EFR3B: variants seen among roughly 807,000 people sequenced by gnomAD.
EFR3B encodes the protein protein EFR3 homolog B.
Under a neutral mutation model 104.7 loss-of-function variants are expected in EFR3B, and 64 were observed. The ratio of observed to expected loss-of-function variants is 0.61; its 90% CI spans 0.50 to 0.75. The LOEUF is 0.75. EFR3B is among the 30% of genes least tolerant of loss of function. The probability of loss-of-function intolerance (pLI) is 0.00; values close to 1 mark genes in which losing one functional copy is unlikely to be tolerated. For missense variants in EFR3B, 750 were observed against 1,078.5 expected, an observed-to-expected ratio of 0.70 and a Z score of 4.27; for synonymous variants, 385 against 417.9, an observed-to-expected ratio of 0.92 and a Z score of 0.96.
chr2:25,052,392 TACTC>T (rs1026132758), intron 1 of EFR3B, among the ~76,000 whole-genome samples: 4 of 152,144 alleles, frequency 2.6e-5, no homozygotes, highest in African/African-American at 9.7e-5. Context: ...TGTAACTTCT[TACTC>T]ACTCTGTATA....
At chr2:25,089,037 C>T (rs1207118059) in intron 1 of EFR3B, among the ~76,000 whole-genome samples, 1 of 152,128 alleles carries the variant, frequency 6.6e-6, no homozygotes, top group Non-Finnish European at 1.5e-5. Flanking sequence ...GGGGAAGGTG[C>T]CTTCCCTGGA....
intron 1 of EFR3B, among the ~76,000 whole-genome samples, chr2:25,071,310 G>C (rs1327229141): frequency 6.7e-6 from 1 of 149,802 alleles, no homozygotes; most frequent in Non-Finnish European, 1.5e-5. Context: ...GCCCAGGCTG[G>C]AGTGCAGTGG....
At chr2:25,125,873 G>A (rs888654930) in intron 5 of EFR3B, among the ~76,000 whole-genome samples, 39 of 152,182 alleles carry the variant, frequency 2.6e-4, no homozygotes, top group African/African-American at 7.5e-4. Flanking sequence ...GCGTGAACCC[G>A]GGAGGCGGAG....
chr2:25,136,244 G>A lies in EFR3B; in HGVS notation c.1485-279G>A, dbSNP rs1670512084. ...GAGTTGGGAGGATTGCTTGAGCCCT[G>A]GAGGTTAAGGCTGCAGAGAGCTGTG... On this transcript the variant is annotated intron_variant, in intron 13 of 22. Coordinates refer to ENST00000403714, the MANE Select transcript of EFR3B (RefSeq NM_014971.2). This position sits in a 1 kb window ranked among gnomAD's most constrained non-coding sequence, Gnocchi z 4.0. Among the ~76,000 whole-genome samples, 1 of 152,082 alleles carries A rather than the reference G, an allele frequency of 6.6e-6. No homozygotes were observed. The highest frequency in any genetic ancestry group is 1.5e-5 in the Non-Finnish European group (1 of 67,998).
intron 1 of EFR3B, among the ~76,000 whole-genome samples, chr2:25,090,643 G>A (rs1434693559): frequency 1.3e-5 from 2 of 152,206 alleles, no homozygotes; most frequent in Non-Finnish European, 2.9e-5. Flanking sequence ...AACTCTAAAA[G>A]GCCGCAGTTT....
At position 25,065,820 on chromosome 2, in the gene EFR3B, C is replaced by T. The variant is rs764116817; in HGVS notation, c.7+23501C>T. 1.1e-4 allele frequency among the ~76,000 whole-genome samples: 16 copies of T among 152,308 alleles called. No individual in the cohort carries two copies. The Middle Eastern group carries it at 0.01, about 97-fold the overall frequency. On this transcript the variant is annotated intron_variant, in intron 1 of 22. Transcript: ENST00000403714. ...TGCTCTGGGCTGTTCCCAGCCCACC[C>T]GTGTCACACACTCACCCAGTGTGAA...
chr2:25,132,844 A>G, intron 10 of EFR3B, 59 bp from the exon 11 acceptor site: 1 of 1,425,330 alleles, frequency 7.0e-7, no homozygotes, highest in South Asian at 1.2e-5. Flanking sequence ...GAAAGGCTGA[A>G]CCAGGAGGGG....
intron 1 of EFR3B, among the ~76,000 whole-genome samples, chr2:25,054,101 G>A (rs535624339): frequency 6.6e-6 from 1 of 152,268 alleles, no homozygotes; most frequent in East Asian, 1.9e-4. Context: ...TGATGGACAC[G>A]TGGTGGTCCA....
chr2:25,139,328 A>T, intron 16 of EFR3B, 138 bp downstream of exon 16: 1 of 1,125,858 alleles, frequency 8.9e-7, no homozygotes, highest in Non-Finnish European at 1.2e-6. Context: ...ACTAATGGTG[A>T]GAAGTTACTC....
At chr2:25,080,119 A>G (rs546676233) in intron 1 of EFR3B, 5 of 1,042,204 alleles carry the variant, frequency 4.8e-6, no homozygotes, top group Admixed American at 3.4e-5. Context: ...TGCCGTGACT[A>G]TACCCTGTGC....
At chr2:25,074,081 A>G (rs1440800472) in intron 1 of EFR3B, among the ~76,000 whole-genome samples, 1 of 152,140 alleles carries the variant, frequency 6.6e-6, no homozygotes, top group Non-Finnish European at 1.5e-5. Context: ...GGGGACTCAT[A>G]ATGGATACTC....
At chr2:25,125,041 G>A (rs957333339) in intron 5 of EFR3B, among the ~76,000 whole-genome samples, 19 of 152,198 alleles carry the variant, frequency 1.2e-4, no homozygotes, top group African/African-American at 4.6e-4. Context: ...CTGGGCAACG[G>A]AGTGAGACTC....
intron 5 of EFR3B, among the ~76,000 whole-genome samples, chr2:25,123,600 T>C (rs959109737): frequency 1.1e-4 from 16 of 152,160 alleles, no homozygotes; most frequent in African/African-American, 3.6e-4. Flanking sequence ...ATTAGCTTCC[T>C]GAGTCACCAC....
chr2:25,081,866 A>G (rs1558594159), intron 1 of EFR3B, among the ~76,000 whole-genome samples: 1 of 152,044 alleles, frequency 6.6e-6, no homozygotes, highest in Non-Finnish European at 1.5e-5. Context: ...ACTAGTAGGG[A>G]GTTTGGGGGA....
At position 25,143,800 on chromosome 2, in the gene EFR3B, T is replaced by C; in HGVS notation, c.1988T>C (p.Val663Ala). 2 of 1,551,690 alleles carry C rather than the reference T, an allele frequency of 1.3e-6. No homozygotes were observed. Among genetic ancestry groups the C allele is most frequent in the Non-Finnish European group, 1.7e-6 (2 of 1,147,000 alleles). ...LLFRQSKISEVLGGSGYNSDR... is the reference protein window; with the variant it reads ...LLFRQSKISEALGGSGYNSDR... ...TTCCGCCAGAGCAAGATCAGTGAAGTCCTGGGAGGCAGTGGCTACAACTCG... is the reference window on the plus strand; with the variant it reads ...TTCCGCCAGAGCAAGATCAGTGAAGCCCTGGGAGGCAGTGGCTACAACTCG... Residue 663 changes from valine to alanine, a missense_variant, in exon 18 of 23, where the codon GTC (valine) becomes GCC (alanine). By Grantham distance (64) the Val-to-Ala change is moderately conservative (BLOSUM62 0). Transcript: ENST00000403714.
intron 1 of EFR3B, among the ~76,000 whole-genome samples, chr2:25,046,140 C>T (rs376737665): frequency 1.3e-5 from 2 of 152,094 alleles, no homozygotes; most frequent in Non-Finnish European, 2.9e-5. Context: ...AATCCCAGCA[C>T]TTTGGGAGGC....
chr2:25,092,029 G>C (rs1558598471), intron 2 of EFR3B, among the ~76,000 whole-genome samples: 1 of 151,976 alleles, frequency 6.6e-6, no homozygotes, highest in Non-Finnish European at 1.5e-5. Flanking sequence ...CCTTCGTCCT[G>C]TGTGTGTCTT....
At position 25,131,045 on chromosome 2, in the gene EFR3B, G is replaced by C. The variant is rs1670314291; in HGVS notation, c.850-323G>C. Reference sequence around the variant, plus strand: ...CCCACTTTAGGCAGCACTGGACTAAGCCATGTGGCCTCCCGTGGCTCTTGC... The same window carrying C: ...CCCACTTTAGGCAGCACTGGACTAACCCATGTGGCCTCCCGTGGCTCTTGC... On this transcript the variant is annotated intron_variant, in intron 8 of 22. Coordinates refer to ENST00000403714, the MANE Select transcript of EFR3B (RefSeq NM_014971.2). This position sits in a 1 kb window ranked among gnomAD's most constrained non-coding sequence, Gnocchi z 7.6. Among the ~76,000 whole-genome samples the C allele has an allele frequency of 6.6e-6, 1 of 152,200 alleles. No homozygotes were observed. Among genetic ancestry groups the C allele is most frequent in the African/African-American group, 2.4e-5 (1 of 41,448 alleles).
intron 1 of EFR3B, among the ~76,000 whole-genome samples, chr2:25,054,837 C>T (rs1434021146): frequency 3.3e-5 from 5 of 152,318 alleles, no homozygotes; most frequent in East Asian, 1.9e-4. Context: ...AACTGATCAC[C>T]GTGAACACTT....
Sources: gnomAD v4.1 joint callset for allele counts (sites outside exome capture counted in the v4.1 genomes callset) on GRCh38, gnomAD v4.1.1 for gene constraint, Gnocchi (gnomAD v3.1) non-coding constraint, MANE v1.5 for transcripts, NCBI Gene and HGNC (gene_info 2026-07-23, HGNC 2026-07-21) for gene names.